Variants in HIVEP3 observed in about 807,000 individuals in gnomAD.
HIVEP3 encodes the protein transcription factor HIVEP3.
HIVEP3 carries 49 observed loss-of-function variants against 152.8 expected under a neutral mutation model. The ratio of observed to expected loss-of-function variants is 0.32; its 90% CI spans 0.26 to 0.41. The LOEUF is 0.41. Ranked by LOEUF, HIVEP3 falls within the 10% of genes least tolerant of loss-of-function variation. The pLI is 1.00. For synonymous variants in HIVEP3, 1,269 were observed against 1,289.0 expected (o/e 0.98, Z 0.33); for missense variants, 2,790 against 3,103.3 (o/e 0.90, Z 2.40).
At chr1:42,009,193 G>A (rs1645479306) in intron 1 of HIVEP3, among the ~76,000 whole-genome samples, 1 of 152,178 alleles carries the variant, frequency 6.6e-6, no homozygotes, top group Non-Finnish European at 1.5e-5. Flanking sequence ...TTAAAACTTT[G>A]AAAGCATTAT....
At chr1:41,878,886 C>T (rs1289944791) in intron 1 of HIVEP3, among the ~76,000 whole-genome samples, 1 of 144,554 alleles carries the variant, frequency 6.9e-6, no homozygotes, top group Non-Finnish European at 1.5e-5. Flanking sequence ...CCCCTCCTTC[C>T]TTTTTTTTCC....
intron 3 of HIVEP3, among the ~76,000 whole-genome samples, chr1:41,600,854 A>T (rs1019776939): frequency 2.6e-5 from 4 of 152,138 alleles, no homozygotes; most frequent in African/African-American, 9.7e-5. Flanking sequence ...TAGGAGTTTT[A>T]CAGTCTTAGG....
At chr1:41,573,765 G>A (rs1466488035) in intron 5 of HIVEP3, among the ~76,000 whole-genome samples, 1 of 152,178 alleles carries the variant, frequency 6.6e-6, no homozygotes, top group Non-Finnish European at 1.5e-5. Context: ...GGGCGGGAGA[G>A]CTGGGGGGCT....
intron 1 of HIVEP3, among the ~76,000 whole-genome samples, chr1:41,828,461 A>C (rs1422538362): frequency 6.6e-6 from 1 of 152,218 alleles, no homozygotes; most frequent in African/African-American, 2.4e-5. Flanking sequence ...GACTGTTTCC[A>C]AAATATGACC....
rs879775299 is a variant in HIVEP3 at position 41,810,917 on chromosome 1, C to T, written c.-801+107496G>A. On this transcript the variant is annotated intron_variant, in intron 1 of 8. Coordinates refer to ENST00000372583, the MANE Select transcript of HIVEP3 (RefSeq NM_024503.5). ...CCTGTAATGGCCCTGAAGCCTTTGA[C>T]ATCACCAAGTCCTCACTCCTTTGGA... 2.0e-4 allele frequency among the ~76,000 whole-genome samples: 30 copies of T among 152,188 alleles called. 1 individual carries two copies. The highest frequency in any genetic ancestry group is 9.8e-4 in the Admixed American group (15 of 15,280).
intron 5 of HIVEP3, among the ~76,000 whole-genome samples, chr1:41,538,950 C>T (rs1434222539): frequency 6.6e-6 from 1 of 152,112 alleles, no homozygotes; most frequent in Non-Finnish European, 1.5e-5. Flanking sequence ...GTGGGGAAGC[C>T]GAGCAGTGGG....
At chr1:41,783,213 C>G (rs149075702) in intron 1 of HIVEP3, among the ~76,000 whole-genome samples, 1 of 152,084 alleles carries the variant, frequency 6.6e-6, no homozygotes, top group Non-Finnish European at 1.5e-5. Context: ...GAAGCTGGCA[C>G]GGACTAGATT....
chr1:41,548,322 T>C (rs555403673), intron 5 of HIVEP3, among the ~76,000 whole-genome samples: 2 of 152,286 alleles, frequency 1.3e-5, no homozygotes, highest in East Asian at 3.9e-4. Flanking sequence ...ACAGGGGCAT[T>C]AAGTAACTTG....
chr1:41,735,590 A>G (rs1646904633), intron 1 of HIVEP3, among the ~76,000 whole-genome samples: 2 of 151,966 alleles, frequency 1.3e-5, no homozygotes, highest in Admixed American at 1.3e-4. Context: ...CAAATTAGCA[A>G]CTTTCTACCA....
chr1:41,556,394 T>C (rs1354660069), intron 5 of HIVEP3, among the ~76,000 whole-genome samples: 4 of 152,242 alleles, frequency 2.6e-5, no homozygotes, highest in Non-Finnish European at 4.4e-5. Flanking sequence ...TGAATGTCTT[T>C]TCATGTGATG....
chr1:41,544,835 C>G (rs1445793405), intron 5 of HIVEP3, among the ~76,000 whole-genome samples: 3 of 121,346 alleles, frequency 2.5e-5, no homozygotes, highest in Non-Finnish European at 1.7e-5. Flanking sequence ...CCACCATCAC[C>G]ACCACCACTA....
chr1:41,996,669 T>G (rs1373303730), intron 1 of HIVEP3, among the ~76,000 whole-genome samples: 2 of 152,218 alleles, frequency 1.3e-5, no homozygotes, highest in Non-Finnish European at 2.9e-5. Flanking sequence ...GACTTAGCCC[T>G]GTGTATTAAT....
At chr1:42,031,823 T>C (rs961577336) in intron 1 of HIVEP3, among the ~76,000 whole-genome samples, 15 of 152,198 alleles carry the variant, frequency 9.9e-5, no homozygotes, top group African/African-American at 3.4e-4. Context: ...GCCAGAAGTA[T>C]ATAAAGTAAC....
At chr1:41,825,685 A>G (rs774886117) in intron 1 of HIVEP3, among the ~76,000 whole-genome samples, 1 of 151,964 alleles carries the variant, frequency 6.6e-6, no homozygotes, top group Non-Finnish European at 1.5e-5. Context: ...AGCTCACTGT[A>G]GCCTTGACCA....
intron 2 of HIVEP3, among the ~76,000 whole-genome samples, chr1:41,677,130 C>T (rs1484771675): frequency 6.6e-6 from 1 of 152,216 alleles, no homozygotes; most frequent in East Asian, 1.9e-4. Context: ...CATGCCTGAG[C>T]TCCACCACCT....
intron 1 of HIVEP3, among the ~76,000 whole-genome samples, chr1:41,823,956 G>A (rs754287362): frequency 2.6e-5 from 4 of 152,166 alleles, no homozygotes; most frequent in Non-Finnish European, 4.4e-5. Context: ...CTGGTTACTT[G>A]CTATTTTAGA....
At position 41,590,247 on chromosome 1, in the gene HIVEP3, C is replaced by T. The variant is rs545895930; in HGVS notation, c.-521-4929G>A. On this transcript the variant is annotated intron_variant, in intron 3 of 8. Transcript: ENST00000372583. Reference sequence around the variant, plus strand: ...GCAAAGAGAGAGGCCAAGGTCAAGGCGGAGCTCTGGCTGGGAACAGGGATT... The same window carrying T: ...GCAAAGAGAGAGGCCAAGGTCAAGGTGGAGCTCTGGCTGGGAACAGGGATT... Among the ~76,000 whole-genome samples the T allele has an allele frequency of 5.9e-5, 9 of 152,322 alleles. No homozygotes were observed. In the South Asian group the frequency reaches 1.2e-3, roughly 21 times the overall value.
intron 2 of HIVEP3, among the ~76,000 whole-genome samples, chr1:41,692,469 A>G (rs908088389): frequency 1.3e-5 from 2 of 152,192 alleles, no homozygotes; most frequent in Non-Finnish European, 2.9e-5. Flanking sequence ...TGAATCAACA[A>G]TCTATGTTAA....
intron 5 of HIVEP3, among the ~76,000 whole-genome samples, chr1:41,527,251 A>ACCCCCACCC (rs1383936592): frequency 2.5e-5 from 1 of 40,152 alleles, no homozygotes; most frequent in African/African-American, 1.2e-4. Context: ...CCTCACACAC[A>ACCCCCACCC]CACACCCTCA....
Sources: allele counts gnomAD v4.1 joint callset (sites outside exome capture counted in the v4.1 genomes callset), GRCh38; gene constraint gnomAD v4.1.1; transcripts MANE v1.5; gene names NCBI Gene and HGNC (gene_info 2026-07-23, HGNC 2026-07-21).